EPAS1: variants seen among roughly 807,000 people sequenced by gnomAD.
EPAS1 encodes endothelial PAS domain-containing protein 1.
A neutral mutation model predicts 87.9 loss-of-function variants in EPAS1; 23 were observed. That is an observed-to-expected ratio of 0.26 (90% CI 0.19 to 0.37). The LOEUF (loss-of-function observed/expected upper bound fraction) is 0.37. EPAS1 is among the 10% of genes least tolerant of loss of function. The pLI is 1.00. For synonymous variants in EPAS1, 508 were observed against 444.3 expected (o/e 1.14, Z -1.80); for missense variants, 1,138 against 1,120.7 (o/e 1.02, Z -0.22).
chr2:46,319,695 T>C (rs2104848264), intron 1 of EPAS1, among the ~76,000 whole-genome samples: 1 of 152,324 alleles, frequency 6.6e-6, no homozygotes, highest in East Asian at 1.9e-4. Flanking sequence ...CTCTTTGTTT[T>C]GGAGCCAGGT....
chr2:46,315,795 G>C (rs1044525178), intron 1 of EPAS1, among the ~76,000 whole-genome samples: 2 of 152,224 alleles, frequency 1.3e-5, no homozygotes, highest in Admixed American at 1.3e-4. Context: ...AGGGCAAGAG[G>C]GGCAGAGCCC....
Position 46,356,315 on chromosome 2 carries a change from T to C in EPAS1, c.369+13T>C, listed in dbSNP as rs746628608. Reference sequence around the variant, plus strand: ...GGGACTTACACAGGTGACACCCTCCTCTATCTCTTTCAAAAGAAGAAATGT... The same window carrying C: ...GGGACTTACACAGGTGACACCCTCCCCTATCTCTTTCAAAAGAAGAAATGT... On this transcript the variant is annotated intron_variant, in intron 3 of 15. Coordinates refer to ENST00000263734, the MANE Select transcript of EPAS1 (RefSeq NM_001430.5). 1 of 1,614,112 alleles carries C rather than the reference T, an allele frequency of 6.2e-7. No homozygotes were observed. Among genetic ancestry groups the C allele is most frequent in the Non-Finnish European group, 8.5e-7 (1 of 1,179,966 alleles).
chr2:46,374,907 A>G (rs552045861), intron 7 of EPAS1, among the ~76,000 whole-genome samples: 1 of 152,196 alleles, frequency 6.6e-6, no homozygotes, highest in Admixed American at 6.5e-5. Flanking sequence ...GAAAAACCTC[A>G]TAAGTAGGAA....
At chr2:46,328,078 C>T (rs894943369) in intron 1 of EPAS1, among the ~76,000 whole-genome samples, 3 of 152,170 alleles carry the variant, frequency 2.0e-5, no homozygotes, top group Non-Finnish European at 2.9e-5. Flanking sequence ...CCTATGGTCC[C>T]CAGAGTCCAT....
intron 1 of EPAS1, among the ~76,000 whole-genome samples, chr2:46,310,151 C>T (rs72885043): frequency 0.022 from 3,392 of 152,212 alleles, 136 homozygotes; most frequent in African/African-American, 0.077. Context: ...TGGAAGAGGA[C>T]AGCTTGCTGT....
At chr2:46,349,489 G>T (rs1159629714) in intron 2 of EPAS1, among the ~76,000 whole-genome samples, 1 of 152,216 alleles carries the variant, frequency 6.6e-6, no homozygotes, top group Non-Finnish European at 1.5e-5. Context: ...TCCGGAGCCT[G>T]TTGAAAGTTG....
chr2:46,372,043 A>G (rs923642851), intron 7 of EPAS1, among the ~76,000 whole-genome samples: 6 of 152,286 alleles, frequency 3.9e-5, no homozygotes, highest in African/African-American at 1.4e-4. Context: ...AAAATGGTTT[A>G]TGTTTTCTGC....
At chr2:46,340,777 G>A (rs115321619) in intron 1 of EPAS1, among the ~76,000 whole-genome samples, 6,494 of 152,268 alleles carry the variant, frequency 0.043, 332 homozygotes, top group African/African-American at 0.12. Context: ...ACCTGAGCTG[G>A]AGTGCAGTGG....
Position 46,346,782 on chromosome 2 carries a change from A to T in EPAS1, c.27-91A>T. On this transcript the variant is annotated intron_variant, in intron 1 of 15. Coordinates refer to ENST00000263734, the MANE Select transcript of EPAS1 (RefSeq NM_001430.5). The surrounding 1 kb of genome is among the most constrained non-coding windows in gnomAD (Gnocchi z 4.0). Reference sequence around the variant, plus strand: ...CAGTCTAGTAAGGGAGTGTGGCTGCACTGGGGGTTGGGGCCATGGGGATGT... The same window carrying T: ...CAGTCTAGTAAGGGAGTGTGGCTGCTCTGGGGGTTGGGGCCATGGGGATGT... 7.3e-7 allele frequency: 1 copy of T among 1,372,668 alleles called. No homozygotes were observed. The highest frequency in any genetic ancestry group is 1.0e-6 in the Non-Finnish European group (1 of 979,578). The allele number at this position is 1,372,668 out of a possible 1,614,324, so 85.0% of individuals were successfully genotyped here.
chr2:46,357,558 A>G (rs892294146), intron 4 of EPAS1, among the ~76,000 whole-genome samples: 14 of 152,176 alleles, frequency 9.2e-5, no homozygotes, highest in Non-Finnish European at 1.5e-4. Flanking sequence ...GCAGAGCATC[A>G]CTTCTGCCCC....
At position 46,380,768 on chromosome 2, in the gene EPAS1, C is replaced by G. The variant is rs994345578; in HGVS notation, c.2045+51C>G. On this transcript the variant is annotated intron_variant, in intron 12 of 15. Transcript: ENST00000263734. This position sits in a 1 kb window ranked among gnomAD's most constrained non-coding sequence, Gnocchi z 4.4. ...CAGCAGGGCCGAACCGAGAGGCACC[C>G]ACTAGTAAGATAGCTGGACCCCCAG... The G allele has an allele frequency of 6.2e-7, 1 of 1,600,270 alleles. No individual in the cohort carries two copies. The highest frequency in any genetic ancestry group is 1.7e-5 in the Admixed American group (1 of 60,014).
chr2:46,322,690 G>A (rs1001758371), intron 1 of EPAS1, among the ~76,000 whole-genome samples: 4 of 152,178 alleles, frequency 2.6e-5, no homozygotes, highest in African/African-American at 9.7e-5. Context: ...CAAATGACTT[G>A]CCTCAGTTCT....
chr2:46,341,550 A>G (rs1245446550), intron 1 of EPAS1, among the ~76,000 whole-genome samples: 1 of 152,234 alleles, frequency 6.6e-6, no homozygotes, highest in Non-Finnish European at 1.5e-5. Flanking sequence ...TATTAGCCAT[A>G]GCATCTGGTA....
At chr2:46,356,331 G>C (rs769912463) in intron 3 of EPAS1, 29 bp downstream of exon 3, 1 of 1,613,932 alleles carries the variant, frequency 6.2e-7, no homozygotes, top group Non-Finnish European at 8.5e-7. Context: ...TCTTTCAAAA[G>C]AAGAAATGTT....
rs4953362 is a variant in EPAS1, at chr2:46,382,579, G to T, written c.2442G>T (p.Ser814=). ...YATQYQDYSL[S]SAHKVSGMAS... is the part of the protein sequence containing the mutation. ...CCCAGTACCAGGACTACAGCCTGTC[G>T]TCAGCCCACAAGGTGTCAGGTGGGT... is the stretch of plus-strand genomic sequence containing the variant. Residue 814 remains serine, a synonymous_variant, in exon 15 of 16, where the codon TCG becomes TCT. Coordinates refer to ENST00000263734, the MANE Select transcript of EPAS1 (RefSeq NM_001430.5). 2 of 1,614,116 alleles carry T rather than the reference G, an allele frequency of 1.2e-6. No individual in the cohort carries two copies. Among genetic ancestry groups the T allele is most frequent in the African/African-American group, 1.3e-5 (1 of 75,050 alleles).
chr2:46,380,061 C>CG lies in EPAS1; in HGVS notation c.1555-166_1555-165insG. 2 of 1,080,078 alleles carry CG rather than the reference C, an allele frequency of 1.9e-6. No homozygotes were observed. Among genetic ancestry groups the CG allele is most frequent in the Non-Finnish European group, 2.8e-6 (2 of 712,732 alleles). The allele number at this position is 1,080,078 out of a possible 1,614,324, so 66.9% of individuals were successfully genotyped here. On this transcript the variant is annotated intron_variant, in intron 11 of 15. Coordinates refer to ENST00000263734, the MANE Select transcript of EPAS1 (RefSeq NM_001430.5). The surrounding 1 kb of genome is among the most constrained non-coding windows in gnomAD (Gnocchi z 4.4). The stretch of plus-strand genomic sequence containing the variant: ...ATACAAGGTCGTGTACATGACACAG[C>CG]CAAGTCTGAGGTTTTCCTGATAGGC...
rs1354371691 is a variant in EPAS1, at chr2:46,346,400, A to AT, written c.27-467dup. Among the ~76,000 whole-genome samples the AT allele has an allele frequency of 6.6e-6, 1 of 152,010 alleles. No individual in the cohort carries two copies. The highest frequency in any genetic ancestry group is 1.5e-5 in the Non-Finnish European group (1 of 68,010). Reference sequence around the variant, plus strand: ...GATCTAGGGTTCAGTACTACTCTTAATTTTTTCTGATTGTGTCTTATGCAG... The same window carrying AT: ...GATCTAGGGTTCAGTACTACTCTTAATTTTTTTCTGATTGTGTCTTATGCAG... On this transcript the variant is annotated intron_variant, in intron 1 of 15. Transcript: ENST00000263734. The surrounding 1 kb of genome is among the most constrained non-coding windows in gnomAD (Gnocchi z 4.0).
At chr2:46,335,297 A>G (rs1683766364) in intron 1 of EPAS1, among the ~76,000 whole-genome samples, 1 of 152,234 alleles carries the variant, frequency 6.6e-6, no homozygotes, top group African/African-American at 2.4e-5. Context: ...CTTTGAAATT[A>G]AAGTGTCTGA....
Position 46,380,812 on chromosome 2 carries a change from C to T in EPAS1, c.2045+95C>T. On this transcript the variant is annotated intron_variant, in intron 12 of 15. Transcript: ENST00000263734. The surrounding 1 kb of genome is among the most constrained non-coding windows in gnomAD (Gnocchi z 4.4). ...CCCCCAGGGAGGCCCCTGCCCCTCT[C>T]CCCAGCCATCTGATACCCCATTTAG... is the stretch of plus-strand genomic sequence containing the variant. 6.3e-7 allele frequency: 1 copy of T among 1,585,498 alleles called. No homozygotes were observed. The highest frequency in any genetic ancestry group is 8.5e-7 in the Non-Finnish European group (1 of 1,170,268).
Sources: allele counts gnomAD v4.1 joint callset (sites outside exome capture counted in the v4.1 genomes callset), GRCh38; gene constraint gnomAD v4.1.1; non-coding constraint Gnocchi (gnomAD v3.1); transcripts MANE v1.5; gene names NCBI Gene and HGNC (gene_info 2026-07-23, HGNC 2026-07-21).